The following MEOX2 variants were observed in gnomAD, a reference collection of about 807,000 sequenced individuals.
MEOX2 encodes mesenchyme homeobox 2, also known as homeobox protein MOX-2.
Under a neutral mutation model 27.0 loss-of-function variants are expected in MEOX2, and 11 were observed. The observed-to-expected ratio is 0.41, with a 90% CI of 0.26 to 0.68. The LOEUF is 0.68. Ranked by LOEUF, MEOX2 falls within the 30% of genes least tolerant of loss-of-function variation. MEOX2 has a pLI of 0.33. For missense variants in MEOX2, 436 were observed against 385.4 expected (o/e 1.13, Z -1.10); for synonymous variants, 189 against 155.4 (o/e 1.22, Z -1.61).
Position 15,666,779 on chromosome 7 carries a change from A to AAATAT in MEOX2, c.517+19106_517+19107insATATT, listed in dbSNP as rs1782014585. ...AAAAAAAAAAAAAAAAAAAAAAAAA[A>AAATAT]ATATATATATATATATATATATATA... On this transcript the variant is annotated intron_variant, in intron 1 of 2. Transcript: ENST00000262041. 3.3e-4 allele frequency among the ~76,000 whole-genome samples: 11 copies of AAATAT among 33,318 alleles called. 1 individual carries two copies. Among genetic ancestry groups the AAATAT allele is most frequent in the South Asian group, 1.3e-3 (1 of 764 alleles). 21.9% of individuals were successfully genotyped at this position (33,318 alleles called of 152,430 possible).
chr7:15,628,254 T>C (rs7805746), intron 1 of MEOX2, among the ~76,000 whole-genome samples: 99,480 of 151,832 alleles, frequency 0.66, 32,861 homozygotes, highest in East Asian at 0.81. Flanking sequence ...TTAACTGAAC[T>C]AAAGAGGACC....
At chr7:15,677,364 C>T (rs1782212766) in intron 1 of MEOX2, 3 of 152,076 alleles carry the variant, frequency 2.0e-5, no homozygotes, top group Admixed American at 1.3e-4. Flanking sequence ...AATTTGTGGC[C>T]AAGAGGTGAC....
chr7:15,682,664 A>C (rs2115398880), intron 1 of MEOX2, among the ~76,000 whole-genome samples: 1 of 152,048 alleles, frequency 6.6e-6, no homozygotes, highest in Admixed American at 6.5e-5. Context: ...AATTAATTTT[A>C]GTTATTTTAA....
chr7:15,657,623 T>C (rs896409334), intron 1 of MEOX2, among the ~76,000 whole-genome samples: 3 of 152,226 alleles, frequency 2.0e-5, no homozygotes, highest in Non-Finnish European at 4.4e-5. Context: ...AGCATGTTTG[T>C]ACTTAATCAT....
intron 1 of MEOX2, among the ~76,000 whole-genome samples, chr7:15,678,520 A>T (rs1665820036): frequency 6.6e-6 from 1 of 152,192 alleles, no homozygotes; most frequent in Non-Finnish European, 1.5e-5. Flanking sequence ...ATTTGATAAG[A>T]GGCATGCCCA....
chr7:15,626,889 C>T lies in MEOX2; in HGVS notation c.547G>A (p.Val183Ile). Residue 183 changes from valine (V) to isoleucine (I), a missense_variant, in exon 2 of 3, where the codon GTC becomes ATC. By Grantham distance (29) the Val-to-Ile change is conservative (BLOSUM62 3). Transcript: ENST00000262041. Reference sequence around the variant, plus strand: ...CTTTCTTTCCTGGGTTTGCTGTTGACTTCTGACTTGTAATTTCCTTCCTGG... The same window carrying T: ...CTTTCTTTCCTGGGTTTGCTGTTGATTTCTGACTTGTAATTTCCTTCCTGG... ...DSQEGNYKSE[V>I]NSKPRKERTA... The T allele has an allele frequency of 6.2e-7, 1 of 1,611,920 alleles. No individual in the cohort carries two copies. Among genetic ancestry groups the T allele is most frequent in the Non-Finnish European group, 8.5e-7 (1 of 1,179,192 alleles).
chr7:15,666,200 G>T (rs1782001877), intron 1 of MEOX2, among the ~76,000 whole-genome samples: 1 of 152,134 alleles, frequency 6.6e-6, no homozygotes, highest in South Asian at 2.1e-4. Context: ...CGAAACATGG[G>T]AGAGCCAATA....
chr7:15,663,489 C>T (rs904308028), intron 1 of MEOX2, among the ~76,000 whole-genome samples: 12 of 133,974 alleles, frequency 9.0e-5, no homozygotes, highest in African/African-American at 3.3e-4. Context: ...CATGCCACCA[C>T]ACCCGGCTAA....
intron 2 of MEOX2, among the ~76,000 whole-genome samples, chr7:15,617,358 T>G (rs913589841): frequency 6.6e-6 from 1 of 152,028 alleles, no homozygotes; most frequent in Non-Finnish European, 1.5e-5. Flanking sequence ...ACAAATAAAA[T>G]TTTCAGATTT....
chr7:15,618,395 G>A (rs1781157415), intron 2 of MEOX2, among the ~76,000 whole-genome samples: 1 of 151,962 alleles, frequency 6.6e-6, no homozygotes, highest in East Asian at 1.9e-4. Flanking sequence ...AGCAATACCT[G>A]AAGACATGGA....
At chr7:15,626,093 G>C (rs1781300213) in intron 2 of MEOX2, among the ~76,000 whole-genome samples, 1 of 152,024 alleles carries the variant, frequency 6.6e-6, no homozygotes. Flanking sequence ...GACTATTCTA[G>C]ACATTAGTGT....
chr7:15,670,991 G>C (rs1782085639), intron 1 of MEOX2, among the ~76,000 whole-genome samples: 1 of 152,014 alleles, frequency 6.6e-6, no homozygotes. Context: ...AAAATAATTG[G>C]GACACTATGA....
chr7:15,612,973 C>T (rs1422696440), intron 2 of MEOX2, among the ~76,000 whole-genome samples: 1 of 152,194 alleles, frequency 6.6e-6, no homozygotes, highest in East Asian at 1.9e-4. Flanking sequence ...CCCCCCACTC[C>T]TAAGTTCTTC....
chr7:15,666,059 C>A (rs1042047383), intron 1 of MEOX2, among the ~76,000 whole-genome samples: 4 of 151,996 alleles, frequency 2.6e-5, no homozygotes, highest in African/African-American at 9.7e-5. Context: ...ATGTAGACTG[C>A]AGGAAGGTAT....
chr7:15,633,421 G>C (rs545506834), intron 1 of MEOX2, among the ~76,000 whole-genome samples: 1 of 151,868 alleles, frequency 6.6e-6, no homozygotes, highest in Non-Finnish European at 1.5e-5. Context: ...AAGGCAGAAA[G>C]AATTGTGACA....
intron 1 of MEOX2, among the ~76,000 whole-genome samples, chr7:15,634,051 T>C (rs1781446770): frequency 1.3e-5 from 2 of 151,940 alleles, no homozygotes; most frequent in Non-Finnish European, 2.9e-5. Flanking sequence ...AGTAATGTTA[T>C]CTTCATTCTA....
chr7:15,626,986 C>A, intron 1 of MEOX2, 68 bp from the exon 2 acceptor site: 1 of 1,475,390 alleles, frequency 6.8e-7, no homozygotes, highest in Non-Finnish European at 9.4e-7. Flanking sequence ...ATATTATTCA[C>A]AGTTATTGAA....
intron 2 of MEOX2, among the ~76,000 whole-genome samples, chr7:15,625,054 C>T (rs1407625992): frequency 6.6e-6 from 1 of 152,118 alleles, no homozygotes; most frequent in Admixed American, 6.6e-5. Context: ...AGTACAGAAT[C>T]TTGTTTTTCC....
At chr7:15,673,688 G>T (rs1030732525) in intron 1 of MEOX2, among the ~76,000 whole-genome samples, 2 of 150,104 alleles carry the variant, frequency 1.3e-5, no homozygotes, top group Non-Finnish European at 3.0e-5. Flanking sequence ...AGGTTGTACC[G>T]ATTAAGATGA....
Sources: allele counts gnomAD v4.1 joint callset (sites outside exome capture counted in the v4.1 genomes callset), GRCh38; gene constraint gnomAD v4.1.1; transcripts MANE v1.5; gene names NCBI Gene and HGNC (gene_info 2026-07-23, HGNC 2026-07-21).